The following RBFOX1 variants were observed in gnomAD, a reference collection of about 807,000 sequenced individuals.
RBFOX1 encodes the protein RNA binding fox-1 homolog 1.
RBFOX1 carries 8 observed loss-of-function variants against 57.7 expected under a neutral mutation model. The ratio of observed to expected loss-of-function variants is 0.14; its 90% confidence interval spans 0.08 to 0.25. The LOEUF is 0.25. Among genes scored for constraint, RBFOX1 ranks in the 10% least tolerant of loss-of-function variants. RBFOX1 has a pLI of 1.00. For missense variants in RBFOX1, 611 were observed against 548.5 expected (o/e 1.11, Z -1.14); for synonymous variants, 326 against 222.4 (o/e 1.47, Z -4.15).
At chr16:7,187,544 C>T (rs866396614) in intron 4 of RBFOX1, among the ~76,000 whole-genome samples, 64 of 151,310 alleles carry the variant, frequency 4.2e-4, no homozygotes, top group South Asian at 6.3e-4. Context: ...AAAAAATTAG[C>T]CAGGCGTGGT....
At chr16:6,163,018 A>T (rs1191133459) in intron 1 of RBFOX1, among the ~76,000 whole-genome samples, 1 of 152,126 alleles carries the variant, frequency 6.6e-6, no homozygotes, top group African/African-American at 2.4e-5. Context: ...GCATGTGCCA[A>T]CCACTGTGCC....
At chr16:6,901,089 C>G (rs765831874) in intron 3 of RBFOX1, among the ~76,000 whole-genome samples, 3 of 152,168 alleles carry the variant, frequency 2.0e-5, no homozygotes, top group African/African-American at 4.8e-5. Context: ...AGTTGTGCCT[C>G]TCACCCTGTA....
chr16:5,365,973 G>C (rs62017726), intron 1 of RBFOX1: 16,993 of 494,694 alleles, frequency 0.034, 462 homozygotes, highest in Middle Eastern at 0.071. Context: ...ATCGTACATT[G>C]TGGAAGCAGA....
chr16:6,172,182 G>A (rs1285274931), intron 1 of RBFOX1, among the ~76,000 whole-genome samples: 4 of 152,104 alleles, frequency 2.6e-5, no homozygotes, highest in East Asian at 3.9e-4. Flanking sequence ...AACCAGTGCT[G>A]AGAATGAGGC....
chr16:6,396,165 T>C (rs752916615), intron 2 of RBFOX1, among the ~76,000 whole-genome samples: 7 of 151,334 alleles, frequency 4.6e-5, no homozygotes, highest in African/African-American at 7.3e-5. Flanking sequence ...ATAGCAATTA[T>C]AAATTCTAGA....
chr16:6,962,041 G>T (rs147101019), intron 3 of RBFOX1, among the ~76,000 whole-genome samples: 1 of 152,292 alleles, frequency 6.6e-6, no homozygotes, highest in Non-Finnish European at 1.5e-5. Flanking sequence ...TCAAGATGGA[G>T]TTGCTGTGGT....
intron 2 of RBFOX1, among the ~76,000 whole-genome samples, chr16:6,636,434 T>C (rs949466445): frequency 1.3e-5 from 2 of 152,078 alleles, no homozygotes; most frequent in Non-Finnish European, 2.9e-5. Flanking sequence ...CCTCCCAAAG[T>C]GCTGGGATTA....
intron 3 of RBFOX1, among the ~76,000 whole-genome samples, chr16:5,691,133 G>A (rs1409790821): frequency 6.6e-6 from 1 of 152,210 alleles, no homozygotes; most frequent in Non-Finnish European, 1.5e-5. Flanking sequence ...CTTAGAGATA[G>A]TTGTTAAGTT....
intron 2 of RBFOX1, among the ~76,000 whole-genome samples, chr16:6,595,438 G>A (rs185813028): frequency 2.6e-5 from 4 of 152,234 alleles, no homozygotes; most frequent in Admixed American, 1.3e-4. Flanking sequence ...AATATACGAC[G>A]TTGTGTTTGT....
chr16:7,380,013 C>G (rs946567346), intron 4 of RBFOX1, among the ~76,000 whole-genome samples: 2 of 152,142 alleles, frequency 1.3e-5, no homozygotes, highest in African/African-American at 4.8e-5. Context: ...ACCACCAAAC[C>G]TTGCTTATTT....
chr16:5,268,303 C>G (rs997911158), intron 1 of RBFOX1, among the ~76,000 whole-genome samples: 1 of 152,176 alleles, frequency 6.6e-6, no homozygotes, highest in Non-Finnish European at 1.5e-5. Context: ...ATAACTGTGC[C>G]TGGATTCTTA....
intron 2 of RBFOX1, among the ~76,000 whole-genome samples, chr16:5,576,599 C>G (rs575648239): frequency 6.6e-6 from 1 of 152,178 alleles, no homozygotes; most frequent in African/African-American, 2.4e-5. Context: ...TTTGCATTAA[C>G]GGGAACTAGG....
chr16:5,548,186 T>A (rs1325497820), intron 2 of RBFOX1, among the ~76,000 whole-genome samples: 242 of 124,032 alleles, frequency 2.0e-3, no homozygotes, highest in African/African-American at 6.9e-3. Flanking sequence ...TATATATATA[T>A]ATATATATAT....
intron 3 of RBFOX1, among the ~76,000 whole-genome samples, chr16:6,948,540 GC>G (rs1405275382): frequency 1.3e-5 from 2 of 151,510 alleles, no homozygotes; most frequent in Non-Finnish European, 2.9e-5. Flanking sequence ...CCACCACCAT[GC>G]CCAGCTAATT....
chr16:6,544,303 C>G (rs887853318), intron 2 of RBFOX1, among the ~76,000 whole-genome samples: 1 of 152,170 alleles, frequency 6.6e-6, no homozygotes, highest in African/African-American at 2.4e-5. Context: ...TGAATGGATT[C>G]AAATCAAGCA....
chr16:6,927,501 C>A (rs1031518326), intron 3 of RBFOX1, among the ~76,000 whole-genome samples: 1 of 148,342 alleles, frequency 6.7e-6, no homozygotes, highest in Non-Finnish European at 1.5e-5. Flanking sequence ...CTCTTTCTTT[C>A]CACATGGAAG....
At chr16:6,672,388 GGAGA>G (rs2098771559) in intron 3 of RBFOX1, among the ~76,000 whole-genome samples, 1 of 146,354 alleles carries the variant, frequency 6.8e-6, no homozygotes, top group African/African-American at 2.5e-5. Context: ...AGAGAGAGAA[GGAGA>G]GAGAGAAAAG....
At chr16:6,855,770 C>G (rs2057746708) in intron 3 of RBFOX1, among the ~76,000 whole-genome samples, 1 of 151,836 alleles carries the variant, frequency 6.6e-6, no homozygotes, top group South Asian at 2.1e-4. Flanking sequence ...AAGTTTTATC[C>G]TCTACCTTTA....
chr16:6,286,822 T>C (rs944240360), intron 1 of RBFOX1, among the ~76,000 whole-genome samples: 1 of 152,150 alleles, frequency 6.6e-6, no homozygotes, highest in African/African-American at 2.4e-5. Context: ...TAATCCTAAA[T>C]AATATTATTT....
Sources: allele counts gnomAD v4.1 joint callset (sites outside exome capture counted in the v4.1 genomes callset), GRCh38; gene constraint gnomAD v4.1.1; transcripts MANE v1.5; gene names NCBI Gene and HGNC (gene_info 2026-07-23, HGNC 2026-07-21).